EPAS1: variants seen among roughly 807,000 people sequenced by gnomAD.
The protein encoded by EPAS1 is endothelial PAS domain protein 1, also known as endothelial PAS domain-containing protein 1.
EPAS1 carries 23 observed loss-of-function variants against 87.9 expected under a neutral mutation model. The ratio of observed to expected loss-of-function variants is 0.26; its 90% CI spans 0.19 to 0.37. EPAS1 has a LOEUF of 0.37. Among genes scored for constraint, EPAS1 ranks in the 10% least tolerant of loss-of-function variants. EPAS1 has a pLI of 1.00. For missense variants in EPAS1, 1,138 were observed against 1,120.7 expected (o/e 1.02, Z -0.22); for synonymous variants, 508 against 444.3 (o/e 1.14, Z -1.80).
chr2:46,335,998 G>A (rs1683783007), intron 1 of EPAS1: 1 of 152,206 alleles, frequency 6.6e-6, no homozygotes, highest in Non-Finnish European at 1.5e-5. Context: ...ATTTCCAAGT[G>A]GGAAGGAGCC....
At chr2:46,383,466 T>G (rs7577700) in intron 15 of EPAS1, among the ~76,000 whole-genome samples, 28,572 of 152,154 alleles carry the variant, frequency 0.19, 6,039 homozygotes, top group African/African-American at 0.52. Flanking sequence ...AGGCCCCTGT[T>G]CTAAAAGGCA....
chr2:46,310,594 A>C (rs1683190912), intron 1 of EPAS1, among the ~76,000 whole-genome samples: 1 of 152,226 alleles, frequency 6.6e-6, no homozygotes, highest in African/African-American at 2.4e-5. Flanking sequence ...CGTCTTCCTG[A>C]AGTCACCTGG....
intron 11 of EPAS1, among the ~76,000 whole-genome samples, chr2:46,379,340 T>TC (rs1343580490): frequency 6.6e-6 from 1 of 152,026 alleles, no homozygotes; most frequent in Non-Finnish European, 1.5e-5. Flanking sequence ...AAACCATTAA[T>TC]CCCCCATTTG....
intron 1 of EPAS1, among the ~76,000 whole-genome samples, chr2:46,314,557 G>GTT (rs1316369372): frequency 6.6e-6 from 1 of 152,252 alleles, no homozygotes; most frequent in Non-Finnish European, 1.5e-5. Flanking sequence ...CTGGGCCTCA[G>GTT]TTTCCCCATC....
Position 46,347,140 on chromosome 2 carries a change from G to T in EPAS1, c.217+77G>T, listed in dbSNP as rs1303049808. 3 of 1,548,154 alleles carry T rather than the reference G, an allele frequency of 1.9e-6. No individual in the cohort carries two copies. Among genetic ancestry groups the T allele is most frequent in the East Asian group, 2.2e-5 (1 of 44,490 alleles). ...GTTCCTATATGCAGGGGACCCTTCT[G>T]CTGCCAGAGCTGGAAAGTCACCCCA... is the stretch of plus-strand genomic sequence containing the variant. On this transcript the variant is annotated intron_variant, in intron 2 of 15. Coordinates refer to ENST00000263734, the MANE Select transcript of EPAS1 (RefSeq NM_001430.5). The surrounding 1 kb of genome is among the most constrained non-coding windows in gnomAD (Gnocchi z 4.2).
chr2:46,311,320 A>G (rs941962672), intron 1 of EPAS1, among the ~76,000 whole-genome samples: 1 of 152,142 alleles, frequency 6.6e-6, no homozygotes, highest in African/African-American at 2.4e-5. Flanking sequence ...TACTCTGTGC[A>G]GGCTGCTGAG....
chr2:46,377,364 G>A (rs191732008), intron 9 of EPAS1, among the ~76,000 whole-genome samples: 1 of 152,332 alleles, frequency 6.6e-6, no homozygotes, highest in East Asian at 1.9e-4. Context: ...ATGCTCCCCA[G>A]TTCGCAACCC....
intron 1 of EPAS1, among the ~76,000 whole-genome samples, chr2:46,302,791 G>T (rs556840874): frequency 5.3e-5 from 8 of 151,686 alleles, no homozygotes; most frequent in Non-Finnish European, 1.0e-4. Flanking sequence ...AAAATATAAG[G>T]GGTTGGGCGT....
intron 1 of EPAS1, among the ~76,000 whole-genome samples, chr2:46,341,997 C>T (rs1458221827): frequency 6.6e-6 from 1 of 152,158 alleles, no homozygotes; most frequent in Non-Finnish European, 1.5e-5. Flanking sequence ...CACACACACC[C>T]ACCCATCCAT....
intron 11 of EPAS1, chr2:46,379,751 A>G (rs1339952640): frequency 9.3e-6 from 2 of 214,078 alleles, no homozygotes; most frequent in African/African-American, 4.5e-5. Context: ...TTACTCTGCG[A>G]GAGTCCACAG....
rs1046072506 is a variant in EPAS1 at position 46,382,351 on chromosome 2, G to C, written c.2288-74G>C. On this transcript the variant is annotated intron_variant, in intron 14 of 15. Transcript: ENST00000263734. ...TCTGAGCACCTTTTATAAAGGAAAGGGATGCTAGGGCTTCCTGGCCTCTCC... is the reference window on the plus strand; with the variant it reads ...TCTGAGCACCTTTTATAAAGGAAAGCGATGCTAGGGCTTCCTGGCCTCTCC... The C allele has an allele frequency of 5.7e-6, 9 of 1,578,522 alleles. No homozygotes were observed. The African/African-American group carries it at 1.2e-4, about 21-fold the overall frequency.
In EPAS1 at chr2:46,331,715, A is replaced by G. The variant is rs113011244; in HGVS notation, c.27-15158A>G. On this transcript the variant is annotated intron_variant, in intron 1 of 15. Coordinates refer to ENST00000263734, the MANE Select transcript of EPAS1 (RefSeq NM_001430.5). The stretch of plus-strand genomic sequence containing the variant: ...CTGGAAAAATGAACCTTTTCTTTCT[A>G]CCAACCGGCACCGAAATTCAGAGTA... Among the ~76,000 whole-genome samples the G allele has an allele frequency of 2.3e-3, 343 of 152,322 alleles. 3 individuals are homozygous for G. Among genetic ancestry groups the G allele is most frequent in the African/African-American group, 7.7e-3 (321 of 41,584 alleles).
At chr2:46,370,041 G>A in intron 7 of EPAS1, 108 bp downstream of exon 7, 1 of 856,182 alleles carries the variant, frequency 1.2e-6, no homozygotes, top group Non-Finnish European at 1.9e-6. Context: ...CCACAGAGCT[G>A]CTGTCTTGTG....
At chr2:46,381,417 A>C in intron 12 of EPAS1, 179 bp from the exon 13 acceptor site, 1 of 901,700 alleles carries the variant, frequency 1.1e-6, no homozygotes. Flanking sequence ...TAGCTGAGGA[A>C]GGAGACAGAG....
intron 14 of EPAS1, 126 bp from the exon 15 acceptor site, chr2:46,382,299 C>T (rs1684916840): frequency 7.6e-7 from 1 of 1,317,586 alleles, no homozygotes; most frequent in Non-Finnish European, 1.1e-6. Context: ...TCAGAGGGTC[C>T]TGAAGGTTGG....
rs1017577549 is a variant in EPAS1, at chr2:46,371,249, C to T, written c.886+1316C>T. ...CATGGCTCCTAAATCCACCCATCTA[C>T]CCCAAGGCTAAGACAGCCAAGTTCA... On this transcript the variant is annotated intron_variant, in intron 7 of 15. Coordinates refer to ENST00000263734, the MANE Select transcript of EPAS1 (RefSeq NM_001430.5). This position sits in a 1 kb window ranked among gnomAD's most constrained non-coding sequence, Gnocchi z 4.3. Among the ~76,000 whole-genome samples, 11 of 152,164 alleles carry T rather than the reference C, an allele frequency of 7.2e-5. No individual in the cohort carries two copies. The highest frequency in any genetic ancestry group is 2.7e-4 in the African/African-American group (11 of 41,428).
intron 1 of EPAS1, among the ~76,000 whole-genome samples, chr2:46,322,985 T>A (rs1029509981): frequency 6.6e-6 from 1 of 152,232 alleles, no homozygotes; most frequent in Non-Finnish European, 1.5e-5. Flanking sequence ...ATGGAGACAT[T>A]ACCAAGGAAT....
At chr2:46,369,604 A>G (rs983743337) in intron 6 of EPAS1, among the ~76,000 whole-genome samples, 12 of 152,148 alleles carry the variant, frequency 7.9e-5, no homozygotes, top group African/African-American at 2.7e-4. Context: ...CCTCCCAAAC[A>G]TGGCTTCAGG....
intron 2 of EPAS1, among the ~76,000 whole-genome samples, chr2:46,355,936 C>G (rs1340406605): frequency 1.3e-5 from 2 of 152,234 alleles, no homozygotes; most frequent in African/African-American, 2.4e-5. Context: ...GTTGTCACAA[C>G]AAGCACACTG....
Sources: gnomAD v4.1 joint callset for allele counts (sites outside exome capture counted in the v4.1 genomes callset) on GRCh38, gnomAD v4.1.1 for gene constraint, Gnocchi (gnomAD v3.1) non-coding constraint, MANE v1.5 for transcripts, NCBI Gene and HGNC (gene_info 2026-07-23, HGNC 2026-07-21) for gene names.